ADGRG6: variants seen among roughly 807,000 people sequenced by gnomAD.
The protein encoded by ADGRG6 is G-protein coupled receptor 126.
In ADGRG6, 84 loss-of-function variants were observed where a neutral mutation model predicts 142.4. That is an observed-to-expected ratio of 0.59 (90% CI 0.49 to 0.71). The LOEUF (loss-of-function observed/expected upper bound fraction) is 0.71. Among genes scored for constraint, ADGRG6 ranks in the 30% least tolerant of loss-of-function variants. ADGRG6 has a pLI of 0.00. For synonymous variants in ADGRG6, 521 were observed against 520.5 expected, an observed-to-expected ratio of 1.00 and a Z score of -0.01; for missense variants, 1,367 against 1,466.6, an observed-to-expected ratio of 0.93 and a Z score of 1.11.
intron 2 of ADGRG6, among the ~76,000 whole-genome samples, chr6:142,322,180 A>G (rs1431713605): frequency 6.6e-6 from 1 of 152,142 alleles, no homozygotes; most frequent in African/African-American, 2.4e-5. Flanking sequence ...TGAGAGAATC[A>G]GTGGAGCCCA....
intron 2 of ADGRG6, among the ~76,000 whole-genome samples, chr6:142,325,017 A>G (rs1213755062): frequency 2.0e-5 from 3 of 152,154 alleles, no homozygotes; most frequent in Admixed American, 6.6e-5. Flanking sequence ...ACAACCATGC[A>G]TTTTAGTTAC....
chr6:142,360,593 T>A lies in ADGRG6; in HGVS notation c.104-6976T>A, dbSNP rs543954375. Among the ~76,000 whole-genome samples, 1,449 of 152,306 alleles carry A rather than the reference T, an allele frequency of 9.5e-3. 15 individuals are homozygous for A. Among genetic ancestry groups the A allele is most frequent in the Non-Finnish European group, 0.016 (1,061 of 68,012 alleles). ...GGAATGGCTGGAATTAAAGCACCTCTGTTTCTCAAAAGTCTGGTTTTCTCT... is the reference window on the plus strand; with the variant it reads ...GGAATGGCTGGAATTAAAGCACCTCAGTTTCTCAAAAGTCTGGTTTTCTCT... On this transcript the variant is annotated intron_variant, in intron 2 of 24. Coordinates refer to ENST00000367609, the MANE Select transcript of ADGRG6 (RefSeq NM_198569.3).
chr6:142,305,125 C>A (rs1562296534), intron 1 of ADGRG6, among the ~76,000 whole-genome samples: 1 of 151,284 alleles, frequency 6.6e-6, no homozygotes, highest in Non-Finnish European at 1.5e-5. Context: ...ACATGACAAT[C>A]CAAATAAAGG....
intron 14 of ADGRG6, 126 bp from the exon 15 acceptor site, chr6:142,405,562 A>G: frequency 2.7e-6 from 2 of 739,682 alleles, no homozygotes; most frequent in Non-Finnish European, 4.8e-6. Flanking sequence ...TGTAGATACA[A>G]AGGGAAGTCC....
chr6:142,345,752 A>G (rs1779869456), intron 2 of ADGRG6, among the ~76,000 whole-genome samples: 1 of 152,258 alleles, frequency 6.6e-6, no homozygotes, highest in East Asian at 1.9e-4. Context: ...AACCAGTTGA[A>G]AAGGAAAGTT....
Position 142,415,864 on chromosome 6 carries a change from T to A in ADGRG6, c.2738T>A (p.Leu913His). Residue 913 changes from leucine (L) to histidine (H), a missense_variant, in exon 20 of 25, where the codon CTC becomes CAC. By Grantham distance (99) the Leu-to-His change is moderately conservative (BLOSUM62 -3). Transcript: ENST00000367609. ...AGCACAGCCCTGCTGTTCCTGAATC[T>A]CCTCTTCCTCCTAGATGGCTGGATC... ...NLSTALLFLNLLFLLDGWITS... is the reference protein window; with the variant it reads ...NLSTALLFLNHLFLLDGWITS... 1.2e-6 allele frequency: 2 copies of A among 1,612,432 alleles called. No individual in the cohort carries two copies. Among genetic ancestry groups the A allele is most frequent in the Non-Finnish European group, 1.7e-6 (2 of 1,178,566 alleles).
Position 142,370,483 on chromosome 6 carries a change from C to G in ADGRG6, c.759C>G (p.Leu253=). 1 of 1,613,354 alleles carries G rather than the reference C, an allele frequency of 6.2e-7. No individual in the cohort carries two copies. The highest frequency in any genetic ancestry group is 2.2e-5 in the East Asian group (1 of 44,872). The part of the protein sequence containing the change: ...EDIFAESFEQ[L]CLVWNNSLGS... ...TTTTTGCAGAAAGCTTTGAACAGCT[C>G]TGCCTTGTTTGGAATAATTCTTTGG... The change falls in exon 4 of 25, where the codon CTC becomes CTG. Residue 253 remains leucine, a synonymous_variant. Transcript: ENST00000367609.
intron 4 of ADGRG6, among the ~76,000 whole-genome samples, chr6:142,371,641 A>G (rs961003706): frequency 3.3e-5 from 5 of 151,728 alleles, no homozygotes; most frequent in Admixed American, 6.6e-5. Flanking sequence ...GCCCACCACC[A>G]TGCCCGGCTA....
chr6:142,392,708 T>C (rs1421636601), intron 7 of ADGRG6, among the ~76,000 whole-genome samples: 1 of 151,950 alleles, frequency 6.6e-6, no homozygotes, highest in Non-Finnish European at 1.5e-5. Context: ...ATGGGGTGTG[T>C]GGGGATAATA....
In ADGRG6 at chr6:142,400,718, G is replaced by A. The variant is rs550091119; in HGVS notation, c.1679+122G>A. On this transcript the variant is annotated intron_variant, in intron 11 of 24. Transcript: ENST00000367609. The stretch of plus-strand genomic sequence containing the variant: ...TGCAAAGAAGGGCAGGAATCTCTGT[G>A]TATGCCTGTATCATTCACTCCTGGG... The A allele has an allele frequency of 6.0e-5, 38 of 633,492 alleles. No homozygotes were observed. The African/African-American group carries it at 6.9e-4, about 11-fold the overall frequency. The allele number at this position is 633,492 out of a possible 1,614,324, so 39.2% of individuals were successfully genotyped here.
At chr6:142,322,133 C>T (rs923272482) in intron 2 of ADGRG6, among the ~76,000 whole-genome samples, 1 of 152,124 alleles carries the variant, frequency 6.6e-6, no homozygotes, top group African/African-American at 2.4e-5. Flanking sequence ...GGCACAGTGA[C>T]TCATGTCAGT....
chr6:142,305,181 A>C (rs138493751), intron 1 of ADGRG6, among the ~76,000 whole-genome samples: 1,538 of 152,324 alleles, frequency 0.01, 28 homozygotes, highest in African/African-American at 0.035. Flanking sequence ...GACAGGGATT[A>C]AAGCAATAAT....
intron 2 of ADGRG6, among the ~76,000 whole-genome samples, chr6:142,316,904 C>T (rs1242506902): frequency 6.6e-6 from 1 of 151,920 alleles, no homozygotes; most frequent in Non-Finnish European, 1.5e-5. Context: ...TTGTGTACAC[C>T]AGTTGTCTCC....
chr6:142,390,323 C>A lies in ADGRG6; in HGVS notation c.1288C>A (p.Gln430Lys). ...CCTTCGTCACCCTGAGGTAAAAGTACAGAGCAAGGTGGCAGAATGGGTAAG... is the reference window on the plus strand; with the variant it reads ...CCTTCGTCACCCTGAGGTAAAAGTAAAGAGCAAGGTGGCAGAATGGGTAAG... ...NILRHPEVKV[Q>K]SKVAEWLNST... Residue 430 changes from glutamine to lysine, a missense_variant, in exon 7 of 25, where the codon CAG becomes AAG. Around this residue, in one of 3 missense-constraint regions of ADGRG6, gnomAD observed 737 missense variants for 746.5 expected, o/e 0.99. Transcript: ENST00000367609. 6.3e-7 allele frequency: 1 copy of A among 1,596,056 alleles called. No individual in the cohort carries two copies. Among genetic ancestry groups the A allele is most frequent in the Non-Finnish European group, 8.6e-7 (1 of 1,166,424 alleles).
At chr6:142,419,783 A>G (rs1776562233) in intron 21 of ADGRG6, 38 bp from the exon 22 acceptor site, 1 of 1,513,066 alleles carries the variant, frequency 6.6e-7, no homozygotes, top group Non-Finnish European at 9.0e-7. Flanking sequence ...GGACATGGTA[A>G]TAAATCTTTT....
chr6:142,428,923 C>T (rs951881922), intron 22 of ADGRG6, among the ~76,000 whole-genome samples: 3 of 152,042 alleles, frequency 2.0e-5, no homozygotes, highest in Non-Finnish European at 4.4e-5. Flanking sequence ...ATAAGTGTAC[C>T]TTCTCTTAAC....
intron 6 of ADGRG6, among the ~76,000 whole-genome samples, chr6:142,389,015 A>G (rs1051803230): frequency 6.6e-6 from 1 of 152,076 alleles, no homozygotes; most frequent in Non-Finnish European, 1.5e-5. Context: ...AAAGGAATAT[A>G]AAAGTCAAGA....
At chr6:142,435,084 T>C (rs951572113) in intron 22 of ADGRG6, among the ~76,000 whole-genome samples, 3 of 152,138 alleles carry the variant, frequency 2.0e-5, no homozygotes, top group African/African-American at 7.2e-5. Context: ...TCTTGATGAA[T>C]ACTCCATATT....
chr6:142,337,934 C>T (rs566605233), intron 2 of ADGRG6, among the ~76,000 whole-genome samples: 1 of 150,034 alleles, frequency 6.7e-6, no homozygotes, highest in Non-Finnish European at 1.5e-5. Flanking sequence ...CATTTATATA[C>T]ATCTGACACT....
Sources: gnomAD v4.1 joint callset for allele counts (sites outside exome capture counted in the v4.1 genomes callset) on GRCh38, gnomAD v4.1.1 for gene constraint, gnomAD v4.1.1 regional missense constraint, MANE v1.5 for transcripts, NCBI Gene and HGNC (gene_info 2026-07-23, HGNC 2026-07-21) for gene names.